Variants in ZBTB8A observed in about 807,000 individuals in gnomAD.
ZBTB8A encodes the protein zinc finger and BTB domain-containing protein 8A.
Under a neutral mutation model 37.8 loss-of-function variants are expected in ZBTB8A, and 19 were observed. The observed-to-expected ratio is 0.50, with a 90% CI of 0.35 to 0.74. The LOEUF (loss-of-function observed/expected upper bound fraction) is 0.74, where lower values mean the gene tolerates loss of function less well. Among genes scored for constraint, ZBTB8A ranks in the 30% least tolerant of loss-of-function variants. The pLI, the probability that ZBTB8A is intolerant of heterozygous loss-of-function variation, is 0.01. For synonymous variants in ZBTB8A, 181 were observed against 185.2 expected (o/e 0.98, Z 0.19); for missense variants, 394 against 537.8 (o/e 0.73, Z 2.65).
intron 2 of ZBTB8A, among the ~76,000 whole-genome samples, chr1:32,586,821 A>T (rs1362351486): frequency 6.6e-6 from 1 of 152,082 alleles, no homozygotes; most frequent in African/African-American, 2.4e-5. Flanking sequence ...TTATGAGAAG[A>T]ACTTTGGAGT....
chr1:32,592,819 T>A (rs1644500384), intron 2 of ZBTB8A, 112 bp from the exon 3 acceptor site: 2 of 876,132 alleles, frequency 2.3e-6, no homozygotes, highest in Non-Finnish European at 3.4e-6. Flanking sequence ...CAGTGAGCTT[T>A]GATCACACCA....
chr1:32,602,735 T>A lies in ZBTB8A; in HGVS notation c.*2316T>A, dbSNP rs558207572. 5 of 152,100 alleles carry A rather than the reference T, an allele frequency of 3.3e-5. No individual in the cohort carries two copies. In the East Asian group the frequency reaches 9.8e-4, roughly 30 times the overall value. 9.4% of individuals were successfully genotyped at this position (152,100 alleles called of 1,614,324 possible). Reference sequence around the variant, plus strand: ...CCCAGCTAATTTTTTGTATTTTTAATAGAGATGGGGTTTCACCGTGTTAGC... The same window carrying A: ...CCCAGCTAATTTTTTGTATTTTTAAAAGAGATGGGGTTTCACCGTGTTAGC... On this transcript the variant is annotated 3_prime_UTR_variant, in exon 5 of 5. Transcript: ENST00000373510.
chr1:32,539,847 G>GAGGCGGCGGCGGGA (rs1644037194), intron 1 of ZBTB8A, among the ~76,000 whole-genome samples: 2 of 60,042 alleles, frequency 3.3e-5, no homozygotes, highest in East Asian at 5.4e-4. Flanking sequence ...GAGCCTCCTG[G>GAGGCGGCGGCGGGA]AGGCGGCGGC....
chr1:32,547,640 A>AAG (rs1644116653), intron 1 of ZBTB8A, among the ~76,000 whole-genome samples: 1 of 148,936 alleles, frequency 6.7e-6, no homozygotes, highest in South Asian at 2.1e-4. Context: ...AAAAAAAAAA[A>AAG]AAAGAAAGAA....
chr1:32,563,633 TTG>T lies in ZBTB8A; in HGVS notation c.-2+10105_-2+10106del, dbSNP rs142915268. 8.6e-5 allele frequency among the ~76,000 whole-genome samples: 13 copies of T among 152,006 alleles called. No individual in the cohort carries two copies. The South Asian group carries it at 2.3e-3, about 27-fold the overall frequency. ...GCCCGCCACCACACCCAGCTAATTTTTGTGTGTGTGTGTCTTTTTAGTAGAGA... is the reference window on the plus strand; with the variant it reads ...GCCCGCCACCACACCCAGCTAATTTTTGTGTGTGTGTCTTTTTAGTAGAGA... On this transcript the variant is annotated intron_variant, in intron 2 of 4. Coordinates refer to ENST00000373510, the MANE Select transcript of ZBTB8A (RefSeq NM_001040441.3).
intron 1 of ZBTB8A, among the ~76,000 whole-genome samples, chr1:32,540,286 A>G (rs1181628316): frequency 6.6e-6 from 1 of 151,934 alleles, no homozygotes; most frequent in Non-Finnish European, 1.5e-5. Flanking sequence ...GATTGTTCCA[A>G]TGGCCCTACT....
intron 2 of ZBTB8A, among the ~76,000 whole-genome samples, chr1:32,584,961 G>T (rs1188653537): frequency 1.3e-5 from 2 of 151,388 alleles, no homozygotes; most frequent in African/African-American, 2.4e-5. Context: ...CAGAAAAATG[G>T]GACTACATGA....
At chr1:32,548,247 A>G (rs1479364893) in intron 1 of ZBTB8A, among the ~76,000 whole-genome samples, 1 of 152,064 alleles carries the variant, frequency 6.6e-6, no homozygotes, top group East Asian at 1.9e-4. Flanking sequence ...TAGTTTTGAA[A>G]TGATCGCTCT....
chr1:32,582,312 T>C (rs1447668567), intron 2 of ZBTB8A, among the ~76,000 whole-genome samples: 1 of 152,028 alleles, frequency 6.6e-6, no homozygotes, highest in Non-Finnish European at 1.5e-5. Context: ...CAAAAAAATA[T>C]AAAATTCAAA....
chr1:32,539,865 C>T (rs1051235975), intron 1 of ZBTB8A, among the ~76,000 whole-genome samples: 1 of 149,056 alleles, frequency 6.7e-6, no homozygotes, highest in African/African-American at 2.4e-5. Context: ...GGCGGGAAGG[C>T]GGCGGGGACG....
At chr1:32,558,879 A>G (rs1307071642) in intron 2 of ZBTB8A, among the ~76,000 whole-genome samples, 1 of 152,192 alleles carries the variant, frequency 6.6e-6, no homozygotes, top group Admixed American at 6.6e-5. Flanking sequence ...AGCAGCTACA[A>G]TGTCCCAGGC....
intron 4 of ZBTB8A, among the ~76,000 whole-genome samples, chr1:32,598,227 T>C (rs1644547962): frequency 7.8e-6 from 1 of 128,152 alleles, no homozygotes; most frequent in Non-Finnish European, 1.7e-5. Context: ...TCTTGGATTT[T>C]TTTTTTTTTT....
At chr1:32,550,957 CAA>C (rs530419945) in intron 1 of ZBTB8A, among the ~76,000 whole-genome samples, 7 of 69,156 alleles carry the variant, frequency 1.0e-4, no homozygotes, top group East Asian at 8.0e-4. Context: ...GACTCCGTCT[CAA>C]AAAAAAAAAA....
chr1:32,594,542 C>G (rs539746397), intron 3 of ZBTB8A, among the ~76,000 whole-genome samples: 36 of 152,188 alleles, frequency 2.4e-4, no homozygotes, highest in African/African-American at 8.4e-4. Context: ...GCGGGCAGAT[C>G]ATGAGGTCAG....
At chr1:32,590,226 G>A (rs1016920718) in intron 2 of ZBTB8A, among the ~76,000 whole-genome samples, 6 of 151,836 alleles carry the variant, frequency 4.0e-5, no homozygotes, top group African/African-American at 1.5e-4. Flanking sequence ...GAGCCACTGC[G>A]CCCTGCCCAT....
At position 32,573,556 on chromosome 1, in the gene ZBTB8A, C is replaced by A. The variant is rs544584345; in HGVS notation, c.-1-19375C>A. Reference sequence around the variant, plus strand: ...CGGGTGATTCTCCCACCTTAGATACCCAAATAGCTGGGACTACAGGCGTAA... The same window carrying A: ...CGGGTGATTCTCCCACCTTAGATACACAAATAGCTGGGACTACAGGCGTAA... On this transcript the variant is annotated intron_variant, in intron 2 of 4. Transcript: ENST00000373510. Among the ~76,000 whole-genome samples the A allele has an allele frequency of 2.4e-4, 36 of 150,952 alleles. 1 individual carries two copies. Among genetic ancestry groups the A allele is most frequent in the Middle Eastern group, 3.4e-3 (1 of 290 alleles).
intron 2 of ZBTB8A, among the ~76,000 whole-genome samples, chr1:32,557,251 A>G (rs1280926888): frequency 6.6e-6 from 1 of 152,062 alleles, no homozygotes; most frequent in African/African-American, 2.4e-5. Context: ...GCAGTGAGCC[A>G]AGGTCATGCC....
rs189346911 is a variant in ZBTB8A, at chr1:32,541,600, C to T, written c.-84+2028C>T. On this transcript the variant is annotated intron_variant, in intron 1 of 4. Coordinates refer to ENST00000373510, the MANE Select transcript of ZBTB8A (RefSeq NM_001040441.3). ...GTAATTATAAAGAACAAATTTATTT[C>T]TCACACTTCTGGAGGCTGAGAAGTT... Among the ~76,000 whole-genome samples the T allele has an allele frequency of 1.1e-4, 16 of 152,312 alleles. No individual in the cohort carries two copies. In the East Asian group the frequency reaches 2.7e-3, roughly 26 times the overall value.
rs1030368775 is a variant in ZBTB8A at position 32,604,246 on chromosome 1, T to G, written c.*3827T>G. On this transcript the variant is annotated 3_prime_UTR_variant, in exon 5 of 5. Coordinates refer to ENST00000373510, the MANE Select transcript of ZBTB8A (RefSeq NM_001040441.3). ...AGTGTCTGGGAGAAACAAAATGGAC[T>G]AGACCTGCAGTTTAAAATAATTTAA... 2 of 152,188 alleles carry G rather than the reference T, an allele frequency of 1.3e-5. No homozygotes were observed. Among genetic ancestry groups the G allele is most frequent in the Admixed American group, 1.3e-4 (2 of 15,274 alleles). The allele number at this position is 152,188 out of a possible 1,614,324, so 9.4% of individuals were successfully genotyped here.
Sources: gnomAD v4.1 joint callset for allele counts (sites outside exome capture counted in the v4.1 genomes callset) on GRCh38, gnomAD v4.1.1 for gene constraint, MANE v1.5 for transcripts, NCBI Gene and HGNC (gene_info 2026-07-23, HGNC 2026-07-21) for gene names.